IFFO1: variants seen among roughly 807,000 people sequenced by gnomAD.
IFFO1 encodes the protein intermediate filament family orphan 1, also known as non-homologous end joining factor IFFO1.
A neutral mutation model predicts 59.6 loss-of-function variants in IFFO1; 42 were observed. That is an observed-to-expected ratio of 0.70 (90% CI 0.55 to 0.91). IFFO1 has a LOEUF of 0.91. Ranked by LOEUF, IFFO1 falls within the 40% of genes least tolerant of loss-of-function variation. The probability of loss-of-function intolerance (pLI) is 0.00; values close to 1 mark genes in which losing one functional copy is unlikely to be tolerated. For synonymous variants in IFFO1, 336 were observed against 342.8 expected (o/e 0.98, Z 0.22); for missense variants, 711 against 793.2 (o/e 0.90, Z 1.24).
In IFFO1 at chr12:6,555,440, CAG is replaced by C; in HGVS notation, c.588_589del (p.Ile196MetfsTer79). 1.2e-6 allele frequency: 2 copies of C among 1,613,854 alleles called. No homozygotes were observed. The highest frequency in any genetic ancestry group is 8.5e-7 in the Non-Finnish European group (1 of 1,179,908). On this transcript the variant is annotated frameshift_variant, in exon 1 of 10. Coordinates refer to ENST00000619571, the MANE Select transcript of IFFO1 (RefSeq NM_001193457.2). LOFTEE classifies it high-confidence loss of function. This position sits in a 1 kb window ranked among gnomAD's most constrained non-coding sequence, Gnocchi z 8.6. ...GAGCCGGCGGGCGTGCGAGAACGAC[CAG>C]ATGGTGCCGGGCATGAAGCGGGCCG...
rs113964169 is a variant in IFFO1, at chr12:6,546,507, G to A, written c.1479+1558C>T. ...CTTCCTTTGTTTGTATTTTTGAGAC[G>A]GAGTCTTGCTCTGTCGCCCAGGCTG... On this transcript the variant is annotated intron_variant, in intron 8 of 9. Transcript: ENST00000619571. Among the ~76,000 whole-genome samples, 1,503 of 152,274 alleles carry A rather than the reference G, an allele frequency of 9.9e-3. 25 individuals carry two copies. Among genetic ancestry groups the A allele is most frequent in the African/African-American group, 0.035 (1,450 of 41,548 alleles).
Position 6,549,682 on chromosome 12 carries a change from T to G in IFFO1, c.1071+74A>C. 3 of 1,550,368 alleles carry G rather than the reference T, an allele frequency of 1.9e-6. No individual in the cohort carries two copies. The highest frequency in any genetic ancestry group is 1.8e-6 in the Non-Finnish European group (2 of 1,134,854). ...CCCCAAGCAGGAGGCAGGGCCTGCG[T>G]TCCAGGCCAGCCGCCACGGAAGCAT... is the stretch of plus-strand genomic sequence containing the variant. On this transcript the variant is annotated intron_variant, in intron 4 of 9. Transcript: ENST00000619571. The surrounding 1 kb of genome is among the most constrained non-coding windows in gnomAD (Gnocchi z 5.0).
intron 8 of IFFO1, among the ~76,000 whole-genome samples, chr12:6,542,524 C>A (rs549784118): frequency 6.6e-6 from 1 of 152,122 alleles, no homozygotes; most frequent in Non-Finnish European, 1.5e-5. Context: ...GTGAAGAGAA[C>A]GGGGAGGATA....
chr12:6,551,364 C>T, intron 1 of IFFO1: 2 of 1,253,912 alleles, frequency 1.6e-6, no homozygotes, highest in Non-Finnish European at 2.1e-6. Context: ...CTGCCCACAC[C>T]AGACCACCAG....
intron 1 of IFFO1, chr12:6,551,397 C>G: frequency 1.5e-6 from 2 of 1,305,304 alleles, no homozygotes; most frequent in Non-Finnish European, 2.0e-6. Context: ...CAGTCTCCCA[C>G]CTTCAGTCGC....
rs1241916277 is a variant in IFFO1, at chr12:6,548,537, T to C, written c.1271A>G (p.Tyr424Cys). 2 of 1,613,670 alleles carry C rather than the reference T, an allele frequency of 1.2e-6. No homozygotes were observed. Among genetic ancestry groups the C allele is most frequent in the Non-Finnish European group, 1.7e-6 (2 of 1,179,766 alleles). Reference protein sequence around the residue: ...MQRMLNQLREYDFEDDCDSLT... With the variant: ...MQRMLNQLRECDFEDDCDSLT... ...GCTGTCACAGTCGTCCTCAAAATCA[T>C]ACTCCCTCCTAGAGACAGGGAACCC... The change falls in exon 7 of 10, where the codon TAT (tyrosine) becomes TGT (cysteine). Residue 424 changes from tyrosine to cysteine, a missense_variant. Transcript: ENST00000619571. This position sits in a 1 kb window ranked among gnomAD's most constrained non-coding sequence, Gnocchi z 6.1.
chr12:6,553,089 G>A (rs979003938), intron 1 of IFFO1, among the ~76,000 whole-genome samples: 6 of 152,150 alleles, frequency 3.9e-5, no homozygotes, highest in South Asian at 4.1e-4. Context: ...CCAGTGTAGC[G>A]CTCAAGCCAT....
intron 8 of IFFO1, among the ~76,000 whole-genome samples, chr12:6,542,290 T>C (rs1393225408): frequency 6.6e-6 from 1 of 152,170 alleles, no homozygotes; most frequent in Non-Finnish European, 1.5e-5. Flanking sequence ...TTCAGAAATG[T>C]CACACGTGGA....
At chr12:6,545,555 G>A (rs1437095584) in intron 8 of IFFO1, among the ~76,000 whole-genome samples, 1 of 151,936 alleles carries the variant, frequency 6.6e-6, no homozygotes, top group Non-Finnish European at 1.5e-5. Flanking sequence ...GAAATTAGCC[G>A]GGCGTGATGG....
At chr12:6,551,052 G>GT in intron 1 of IFFO1, 51 bp from the exon 2 acceptor site, 2 of 1,567,798 alleles carry the variant, frequency 1.3e-6, no homozygotes, top group Non-Finnish European at 8.8e-7. Flanking sequence ...GTCCTTCCCT[G>GT]CCCCCATGGC....
intron 8 of IFFO1, among the ~76,000 whole-genome samples, chr12:6,545,679 C>T (rs571496886): frequency 5.3e-5 from 8 of 149,914 alleles, no homozygotes; most frequent in African/African-American, 2.0e-4. Flanking sequence ...GCCTGGGTGA[C>T]ACAGCGAGAC....
rs1946619040 is a variant in IFFO1 at position 6,539,966 on chromosome 12, CG to C, written c.*516del. ...GGACCATAGCAGGGACAAGGTGCCC[CG>C]GCCAGCCCCAACGCCCTCTGCCGCT... is the stretch of plus-strand genomic sequence containing the variant. On this transcript the variant is annotated 3_prime_UTR_variant, in exon 10 of 10. Transcript: ENST00000619571. 1 of 170,066 alleles carries C rather than the reference CG, an allele frequency of 5.9e-6. No homozygotes were observed. The highest frequency in any genetic ancestry group is 1.3e-5 in the Non-Finnish European group (1 of 77,454). 10.5% of individuals were successfully genotyped at this position (170,066 alleles called of 1,614,324 possible). A position where few individuals can be genotyped will look rare whatever the true frequency, so the allele number is the denominator to read the frequency against.
Position 6,541,708 on chromosome 12 carries a change from G to C in IFFO1, c.1480-66C>G. 2.5e-6 allele frequency: 4 copies of C among 1,596,356 alleles called. No homozygotes were observed. The South Asian group carries it at 4.4e-5, about 18-fold the overall frequency. On this transcript the variant is annotated intron_variant, in intron 8 of 9. Coordinates refer to ENST00000619571, the MANE Select transcript of IFFO1 (RefSeq NM_001193457.2). The surrounding 1 kb of genome is among the most constrained non-coding windows in gnomAD (Gnocchi z 4.8). ...CGTTCACAGCGCCTCTGTTGCCCCC[G>C]CCAGGAGGCCAACACGCCAAGAGCA...
In IFFO1 at chr12:6,548,240, A is replaced by G; in HGVS notation, c.1384-80T>C. 2.2e-6 allele frequency: 3 copies of G among 1,344,288 alleles called. No individual in the cohort carries two copies. The highest frequency in any genetic ancestry group is 3.2e-6 in the Non-Finnish European group (3 of 937,460). 83.3% of individuals were successfully genotyped at this position (1,344,288 alleles called of 1,614,324 possible). A position where few individuals can be genotyped will look rare whatever the true frequency, so the allele number is the denominator to read the frequency against. On this transcript the variant is annotated intron_variant, in intron 7 of 9. Transcript: ENST00000619571. This position sits in a 1 kb window ranked among gnomAD's most constrained non-coding sequence, Gnocchi z 6.1. ...CATTCCAAAGGGCCAAGTCAGGGAG[A>G]GAGAGAGAGAGGAAGTCTGGTTAAA...
At position 6,541,410 on chromosome 12, in the gene IFFO1, A is replaced by G; in HGVS notation, c.1610+102T>C. On this transcript the variant is annotated intron_variant, in intron 9 of 9. Transcript: ENST00000619571. The surrounding 1 kb of genome is among the most constrained non-coding windows in gnomAD (Gnocchi z 4.8). ...ACTCCCAAAGGGCAGCCCCACAGCAAGATGTGACCCAGTCATTGCCTGAGG... is the reference window on the plus strand; with the variant it reads ...ACTCCCAAAGGGCAGCCCCACAGCAGGATGTGACCCAGTCATTGCCTGAGG... 1 of 1,460,080 alleles carries G rather than the reference A, an allele frequency of 6.8e-7. No homozygotes were observed. Among genetic ancestry groups the G allele is most frequent in the Non-Finnish European group, 9.3e-7 (1 of 1,071,514 alleles). 90.4% of individuals were successfully genotyped at this position (1,460,080 alleles called of 1,614,324 possible).
At position 6,549,577 on chromosome 12, in the gene IFFO1, A is replaced by G; in HGVS notation, c.1072-93T>C. 1 of 1,333,980 alleles carries G rather than the reference A, an allele frequency of 7.5e-7. No individual in the cohort carries two copies. The highest frequency in any genetic ancestry group is 1.1e-6 in the Non-Finnish European group (1 of 929,584). 82.6% of individuals were successfully genotyped at this position (1,333,980 alleles called of 1,614,324 possible). ...GGAAGGGAGAGACGGCGTTAGAGAC[A>G]GCTTCCACGATGCCCCTCCTGATGC... is the stretch of plus-strand genomic sequence containing the variant. On this transcript the variant is annotated intron_variant, in intron 4 of 9. Coordinates refer to ENST00000619571, the MANE Select transcript of IFFO1 (RefSeq NM_001193457.2). This position sits in a 1 kb window ranked among gnomAD's most constrained non-coding sequence, Gnocchi z 5.0.
intron 3 of IFFO1, chr12:6,550,319 G>A (rs1185809830): frequency 3.2e-5 from 12 of 378,154 alleles, no homozygotes; most frequent in South Asian, 2.8e-4. Context: ...GCACTGTCCC[G>A]AGTACATGAC....
At position 6,540,557 on chromosome 12, in the gene IFFO1, T is replaced by C; in HGVS notation, c.1642A>G (p.Ser548Gly). Residue 548 changes from serine (S) to glycine (G), a missense_variant, in exon 10 of 10, where the codon AGC (serine) becomes GGC (glycine). By Grantham distance (56) the Ser-to-Gly change is moderately conservative. This residue lies in a region of IFFO1 where 579 missense variants were observed against 650.3 expected (regional missense o/e 0.89). Transcript: ENST00000619571. Reference protein sequence around the residue: ...KSPAFTAVPLSDPPPPPSEAE... With the variant: ...KSPAFTAVPLGDPPPPPSEAE... ...TCGCTTGGCGGCGGCGGCGGGTCGC[T>C]AAGCGGGACCGCAGTGAAAGCAGGA... 6.2e-7 allele frequency: 1 copy of C among 1,613,850 alleles called. No individual in the cohort carries two copies. Among genetic ancestry groups the C allele is most frequent in the Non-Finnish European group, 8.5e-7 (1 of 1,180,006 alleles).
In IFFO1 at chr12:6,549,687, G is replaced by C; in HGVS notation, c.1071+69C>G. 1 of 1,566,554 alleles carries C rather than the reference G, an allele frequency of 6.4e-7. No homozygotes were observed. The highest frequency in any genetic ancestry group is 2.3e-5 in the East Asian group (1 of 44,344). On this transcript the variant is annotated intron_variant, in intron 4 of 9. Coordinates refer to ENST00000619571, the MANE Select transcript of IFFO1 (RefSeq NM_001193457.2). The surrounding 1 kb of genome is among the most constrained non-coding windows in gnomAD (Gnocchi z 5.0). ...AGCAGGAGGCAGGGCCTGCGTTCCA[G>C]GCCAGCCGCCACGGAAGCATCCACC... is the stretch of plus-strand genomic sequence containing the variant.
Sources: gnomAD v4.1 joint callset for allele counts (sites outside exome capture counted in the v4.1 genomes callset) on GRCh38, gnomAD v4.1.1 for gene constraint, gnomAD v4.1.1 regional missense constraint, Gnocchi (gnomAD v3.1) non-coding constraint, MANE v1.5 for transcripts, NCBI Gene and HGNC (gene_info 2026-07-23, HGNC 2026-07-21) for gene names.